The following MYO1D variants were observed in gnomAD, a reference collection of about 807,000 sequenced individuals.
MYO1D encodes the protein myosin ID, also known as unconventional myosin-Id.
A neutral mutation model predicts 122.0 loss-of-function variants in MYO1D; 83 were observed. That is an observed-to-expected ratio of 0.68 (90% CI 0.57 to 0.82). The LOEUF (loss-of-function observed/expected upper bound fraction) is 0.82. MYO1D is among the 40% of genes least tolerant of loss of function. The pLI is 0.00. For synonymous variants in MYO1D, 464 were observed against 446.9 expected, an observed-to-expected ratio of 1.04 and a Z score of -0.48; for missense variants, 1,157 against 1,269.5, an observed-to-expected ratio of 0.91 and a Z score of 1.35.
At chr17:32,796,359 T>C (rs1567646600) in intron 1 of MYO1D, among the ~76,000 whole-genome samples, 1 of 152,184 alleles carries the variant, frequency 6.6e-6, no homozygotes, top group Non-Finnish European at 1.5e-5. Context: ...ATTATATGAA[T>C]TGATAACAAT....
intron 14 of MYO1D, chr17:32,727,448 T>C (rs1284659547): frequency 6.6e-6 from 1 of 152,186 alleles, no homozygotes; most frequent in African/African-American, 2.4e-5. Context: ...GACATCATTC[T>C]CCCAAGACAG....
chr17:32,776,012 A>C lies in MYO1D; in HGVS notation c.416T>G (p.Leu139Arg). ...AEVERVKNML[L>R]KSNCVLEAFG... is the part of the protein sequence containing the mutation. Reference sequence around the variant, plus strand: ...AGCTTCCAAAACACAGTTGGACTTAAGCAACATATTCTTCACTCTTTAACA... The same window carrying C: ...AGCTTCCAAAACACAGTTGGACTTACGCAACATATTCTTCACTCTTTAACA... The change falls in exon 4 of 22, where the codon CTT (leucine) becomes CGT (arginine). Residue 139 changes from leucine (L) to arginine (R), a missense_variant. Coordinates refer to ENST00000318217, the MANE Select transcript of MYO1D (RefSeq NM_015194.3). 6.2e-7 allele frequency: 1 copy of C among 1,613,884 alleles called. No individual in the cohort carries two copies. The highest frequency in any genetic ancestry group is 8.5e-7 in the Non-Finnish European group (1 of 1,179,870).
At chr17:32,539,886 C>T (rs1364168520) in intron 21 of MYO1D, among the ~76,000 whole-genome samples, 2 of 152,154 alleles carry the variant, frequency 1.3e-5, no homozygotes, top group African/African-American at 4.8e-5. Context: ...CATTCTACAA[C>T]TTTAAGTCCT....
chr17:32,804,180 A>G (rs1250851921), intron 1 of MYO1D, among the ~76,000 whole-genome samples: 1 of 152,206 alleles, frequency 6.6e-6, no homozygotes, highest in Non-Finnish European at 1.5e-5. Context: ...CCAGATACTT[A>G]TAATGCCCAA....
chr17:32,779,676 C>T (rs2090215686), intron 2 of MYO1D, among the ~76,000 whole-genome samples: 1 of 151,942 alleles, frequency 6.6e-6, no homozygotes, highest in South Asian at 2.1e-4. Context: ...TTTTATTCTC[C>T]CCTTTAAAAC....
At chr17:32,558,503 C>T (rs1364008615) in intron 21 of MYO1D, among the ~76,000 whole-genome samples, 1 of 152,146 alleles carries the variant, frequency 6.6e-6, no homozygotes, top group East Asian at 1.9e-4. Flanking sequence ...AAACAGCAAA[C>T]AAACCACTCT....
chr17:32,622,109 C>T (rs1230205793), intron 20 of MYO1D, among the ~76,000 whole-genome samples: 1 of 152,124 alleles, frequency 6.6e-6, no homozygotes, highest in African/African-American at 2.4e-5. Flanking sequence ...TCAAATGAAG[C>T]CCATTTGAGA....
intron 21 of MYO1D, chr17:32,529,841 GGCCCCGTGCTGACTC>G (rs1910455750): frequency 6.6e-6 from 1 of 152,182 alleles, no homozygotes; most frequent in Admixed American, 6.5e-5. Context: ...CCGTGGGGGA[GGCCCCGTGCTGACTC>G]CCAACGCGTA....
intron 1 of MYO1D, among the ~76,000 whole-genome samples, chr17:32,786,186 A>G (rs2090292007): frequency 6.6e-6 from 1 of 152,198 alleles, no homozygotes; most frequent in Non-Finnish European, 1.5e-5. Flanking sequence ...GCTTTGGAAC[A>G]AAATAAGTCC....
At chr17:32,547,292 C>A (rs938810631) in intron 21 of MYO1D, among the ~76,000 whole-genome samples, 3 of 152,098 alleles carry the variant, frequency 2.0e-5, no homozygotes, top group Non-Finnish European at 4.4e-5. Flanking sequence ...TCAAAGATAA[C>A]CAGCACCTAA....
At chr17:32,534,193 GTCTC>G (rs775554870) in intron 21 of MYO1D, among the ~76,000 whole-genome samples, 2 of 152,000 alleles carry the variant, frequency 1.3e-5, no homozygotes, top group African/African-American at 2.4e-5. Flanking sequence ...TAGAGATGGG[GTCTC>G]TCTCTGTCAC....
intron 21 of MYO1D, among the ~76,000 whole-genome samples, chr17:32,567,174 AAAG>A (rs1238847164): frequency 6.6e-6 from 1 of 152,164 alleles, no homozygotes; most frequent in Admixed American, 6.5e-5. Context: ...GGAAATGAAA[AAAG>A]AAGAGCTGAA....
chr17:32,580,870 A>G (rs933438215), intron 21 of MYO1D, among the ~76,000 whole-genome samples: 1 of 152,186 alleles, frequency 6.6e-6, no homozygotes, highest in Non-Finnish European at 1.5e-5. Flanking sequence ...ATTGCTTATA[A>G]TTCCTAAATC....
intron 21 of MYO1D, among the ~76,000 whole-genome samples, chr17:32,563,208 T>C (rs900024540): frequency 1.2e-4 from 16 of 132,640 alleles, no homozygotes; most frequent in South Asian, 2.7e-4. Flanking sequence ...TCTTCTCTCT[T>C]TTTTTTTTTT....
chr17:32,826,024 G>A (rs1435325269), intron 1 of MYO1D, among the ~76,000 whole-genome samples: 4 of 146,508 alleles, frequency 2.7e-5, no homozygotes, highest in Admixed American at 2.1e-4. Flanking sequence ...ATTCCAGCCC[G>A]GGTGATAGAG....
rs1471219693 is a variant in MYO1D at position 32,720,883 on chromosome 17, T to G, written c.1913+140A>C. 3.3e-6 allele frequency: 3 copies of G among 912,644 alleles called. No individual in the cohort carries two copies. In the Admixed American group the frequency reaches 8.6e-5, roughly 26 times the overall value. The allele number at this position is 912,644 out of a possible 1,614,324, so 56.5% of individuals were successfully genotyped here. ...ACTCATGTTGAAACTGGGAAAGTCT[T>G]TCATATTTGTAATTTCCTCAGCTCT... On this transcript the variant is annotated intron_variant, in intron 15 of 21. Coordinates refer to ENST00000318217, the MANE Select transcript of MYO1D (RefSeq NM_015194.3).
intron 7 of MYO1D, 65 bp from the exon 8 acceptor site, chr17:32,765,146 T>TA: frequency 2.2e-6 from 3 of 1,348,086 alleles, no homozygotes; most frequent in Non-Finnish European, 3.1e-6. Context: ...TTTGCCAATA[T>TA]AAAATACAAT....
chr17:32,653,666 T>TC (rs2150950086), intron 19 of MYO1D, among the ~76,000 whole-genome samples, 177 bp downstream of exon 19: 1 of 150,456 alleles, frequency 6.6e-6, no homozygotes, highest in East Asian at 2.0e-4. Flanking sequence ...ATAGCCTAAC[T>TC]GTAAAGTTGT....
Position 32,721,045 on chromosome 17 carries a change from T to A in MYO1D, c.1891A>T (p.Thr631Ser). Reference sequence around the variant, plus strand: ...CACCTGTGAAGAAACTTCTCGTATGTCTGGCGGAAGGCAAATCCTGCCCGA... The same window carrying A: ...CACCTGTGAAGAAACTTCTCGTATGACTGGCGGAAGGCAAATCCTGCCCGA... ...VRRAGFAFRQ[T>S]YEKFLHRYKM... Residue 631 changes from threonine to serine, a missense_variant, in exon 15 of 22, where the codon ACA (threonine) becomes TCA (serine). Transcript: ENST00000318217. The A allele has an allele frequency of 1.2e-6, 2 of 1,614,194 alleles. No homozygotes were observed. Among genetic ancestry groups the A allele is most frequent in the Non-Finnish European group, 1.7e-6 (2 of 1,180,014 alleles).
Sources: gnomAD v4.1 joint callset for allele counts (sites outside exome capture counted in the v4.1 genomes callset) on GRCh38, gnomAD v4.1.1 for gene constraint, MANE v1.5 for transcripts, NCBI Gene and HGNC (gene_info 2026-07-23, HGNC 2026-07-21) for gene names.